SQOR: variants seen among roughly 807,000 people sequenced by gnomAD.
SQOR encodes sulfide:quinone oxidoreductase, mitochondrial.
A neutral mutation model predicts 48.6 loss-of-function variants in SQOR; 39 were observed. The ratio of observed to expected loss-of-function variants is 0.80; its 90% CI spans 0.62 to 1.05. The LOEUF is 1.05. Ranked by LOEUF, SQOR falls within the 50% of genes least tolerant of loss-of-function variation. SQOR has a pLI of 0.00. For synonymous variants in SQOR, 220 were observed against 206.2 expected (o/e 1.07, Z -0.57); for missense variants, 561 against 559.9 (o/e 1.00, Z -0.02).
chr15:45,673,426 G>A (rs760360046), intron 4 of SQOR, among the ~76,000 whole-genome samples, 181 bp from the exon 5 acceptor site: 17 of 152,096 alleles, frequency 1.1e-4, no homozygotes, highest in Non-Finnish European at 1.8e-4. Flanking sequence ...TTTGACAGGT[G>A]ACTACAGGTG....
At chr15:45,648,175 G>GT (rs1391969692) in intron 1 of SQOR, among the ~76,000 whole-genome samples, 6 of 151,296 alleles carry the variant, frequency 4.0e-5, no homozygotes, top group Non-Finnish European at 7.4e-5. Flanking sequence ...TTGTTTTTTT[G>GT]TTTTTTTGTT....
At position 45,676,158 on chromosome 15, in the gene SQOR, G is replaced by A. The variant is rs367929021; in HGVS notation, c.712G>A (p.Gly238Arg). Residue 238 changes from glycine (G) to arginine (R), a missense_variant, in exon 6 of 10, where the codon GGG becomes AGG. By Grantham distance (125) the Gly-to-Arg change is moderately radical. Coordinates refer to ENST00000260324, the MANE Select transcript of SQOR (RefSeq NM_021199.4). ...IFNTSLGAIF[G>R]VKKYADALQE... ...CAACACTTCTCTTGGAGCCATTTTC[G>A]GGGTTAAGAAGTATGCAGATGCCCT... The A allele has an allele frequency of 8.2e-5, 132 of 1,614,014 alleles. No individual in the cohort carries two copies. The highest frequency in any genetic ancestry group is 9.7e-5 in the Non-Finnish European group (115 of 1,180,042).
At chr15:45,656,819 T>A (rs1478665128) in intron 1 of SQOR, among the ~76,000 whole-genome samples, 1 of 152,160 alleles carries the variant, frequency 6.6e-6, no homozygotes. Flanking sequence ...TTTATTGTTT[T>A]TTTCAGACAG....
chr15:45,688,515 CTTT>C (rs377607911), intron 8 of SQOR, 111 bp downstream of exon 8: 926 of 618,286 alleles, frequency 1.5e-3, no homozygotes, highest in South Asian at 2.1e-3. Flanking sequence ...TTCTGTTTTT[CTTT>C]TTTTTTTTTT....
intron 6 of SQOR, among the ~76,000 whole-genome samples, chr15:45,677,697 AT>A (rs1397394196): frequency 6.6e-6 from 1 of 151,880 alleles, no homozygotes; most frequent in Non-Finnish European, 1.5e-5. Flanking sequence ...TTTGATATGT[AT>A]TTATTTATTT....
chr15:45,632,170 C>T (rs890421443), upstream of SQOR, among the ~76,000 whole-genome samples: 1 of 151,640 alleles, frequency 6.6e-6, no homozygotes, highest in Non-Finnish European at 1.5e-5. Context: ...GGGATATGCT[C>T]AGGACATTTC....
chr15:45,684,243 C>T (rs972228786), intron 7 of SQOR, among the ~76,000 whole-genome samples: 8 of 152,042 alleles, frequency 5.3e-5, no homozygotes, highest in Non-Finnish European at 8.8e-5. Flanking sequence ...TAAAAATGTC[C>T]TTTTTTGTCC....
At chr15:45,651,970 C>T (rs1344580901) in intron 1 of SQOR, among the ~76,000 whole-genome samples, 1 of 149,818 alleles carries the variant, frequency 6.7e-6, no homozygotes, top group Non-Finnish European at 1.5e-5. Flanking sequence ...CTCACTGCAA[C>T]CCCCCGCCTC....
intron 1 of SQOR, among the ~76,000 whole-genome samples, chr15:45,655,388 C>A (rs1391808218): frequency 3.3e-5 from 5 of 152,154 alleles, no homozygotes; most frequent in Non-Finnish European, 7.3e-5. Flanking sequence ...ATTCTGTGGA[C>A]ATTTAGAAAG....
At chr15:45,664,650 T>A (rs1046470309) in intron 3 of SQOR, among the ~76,000 whole-genome samples, 3 of 152,164 alleles carry the variant, frequency 2.0e-5, no homozygotes, top group Non-Finnish European at 4.4e-5. Flanking sequence ...TTTGCCTTTT[T>A]CGTGACAGTT....
intron 1 of SQOR, among the ~76,000 whole-genome samples, chr15:45,643,685 C>T (rs1033215263): frequency 6.6e-6 from 1 of 152,220 alleles, no homozygotes; most frequent in African/African-American, 2.4e-5. Context: ...GTTCTGCAAA[C>T]TTAGCCCCTG....
In SQOR at chr15:45,676,280, G is replaced by A. The variant is rs1292275798; in HGVS notation, c.834G>A (p.Leu278=). ...ADKQEAVFEN[L]DKPGETQVIS... ...AACAAGAGGCTGTATTTGAGAACCTGGACAAACCAGGAGAGACCCAAGTGA... is the reference window on the plus strand; with the variant it reads ...AACAAGAGGCTGTATTTGAGAACCTAGACAAACCAGGAGAGACCCAAGTGA... The change falls in exon 6 of 10, where the codon CTG becomes CTA. Residue 278 remains leucine (L), a synonymous_variant. Coordinates refer to ENST00000260324, the MANE Select transcript of SQOR (RefSeq NM_021199.4). 1 of 1,614,020 alleles carries A rather than the reference G, an allele frequency of 6.2e-7. No homozygotes were observed. The highest frequency in any genetic ancestry group is 1.7e-5 in the Admixed American group (1 of 60,002).
At chr15:45,674,677 GA>G (rs145248770) in intron 5 of SQOR, among the ~76,000 whole-genome samples, 10,152 of 152,224 alleles carry the variant, frequency 0.067, 446 homozygotes, top group Middle Eastern at 0.15. Flanking sequence ...AAACCTTCAT[GA>G]AAAGAGATAT....
chr15:45,654,965 C>T (rs1239801418), intron 1 of SQOR, among the ~76,000 whole-genome samples: 1 of 152,156 alleles, frequency 6.6e-6, no homozygotes. Flanking sequence ...CTTGTCTGCT[C>T]CTTACTGTAC....
At chr15:45,667,679 T>C (rs1889857602) in intron 3 of SQOR, among the ~76,000 whole-genome samples, 1 of 152,186 alleles carries the variant, frequency 6.6e-6, no homozygotes. Context: ...ACATAATGAA[T>C]ATTATGCTCT....
intron 3 of SQOR, among the ~76,000 whole-genome samples, chr15:45,665,603 A>C (rs566506173): frequency 4.1e-4 from 58 of 141,260 alleles, no homozygotes; most frequent in Middle Eastern, 3.8e-3. Flanking sequence ...TTTTTTTTGG[A>C]GACAGAGTCT....
chr15:45,637,623 G>T (rs891262887), intron 1 of SQOR, among the ~76,000 whole-genome samples: 2 of 152,162 alleles, frequency 1.3e-5, no homozygotes, highest in Non-Finnish European at 2.9e-5. Context: ...TGGAACGGGG[G>T]TGTTTGAAAT....
rs770817028 is a variant in SQOR, at chr15:45,682,534, T to C, written c.921T>C (p.Ser307=). Residue 307 remains serine, a synonymous_variant, in exon 7 of 10, where the codon AGT becomes AGC. Coordinates refer to ENST00000260324, the MANE Select transcript of SQOR (RefSeq NM_021199.4). ...PMSPPDVLKT[S]PVADAAGWVD... ...GCCCACCAGATGTCCTCAAGACCAG[T>C]CCTGTGGCTGATGCTGCTGGTTGGG... 4.3e-6 allele frequency: 7 copies of C among 1,614,062 alleles called. No individual in the cohort carries two copies. In the African/African-American group the frequency reaches 9.3e-5, roughly 22 times the overall value.
chr15:45,658,760 C>T (rs3825946), intron 1 of SQOR, 147 bp from the exon 2 acceptor site: 185,667 of 584,530 alleles, frequency 0.32, 30,711 homozygotes, highest in Admixed American at 0.44. Context: ...CTTGGGACCA[C>T]AGCCAGTGGG....
Sources: allele counts gnomAD v4.1 joint callset (sites outside exome capture counted in the v4.1 genomes callset), GRCh38; gene constraint gnomAD v4.1.1; transcripts MANE v1.5; gene names NCBI Gene and HGNC (gene_info 2026-07-23, HGNC 2026-07-21).